The following NFKBIL1 variants were observed in gnomAD, a reference collection of about 807,000 sequenced individuals.
NFKBIL1 encodes NFKB inhibitor like 1, also known as NF-kappa-B inhibitor-like protein 1.
In NFKBIL1, 30 loss-of-function variants were observed where a neutral mutation model predicts 45.4. The ratio of observed to expected loss-of-function variants is 0.66; its 90% CI spans 0.49 to 0.90. The LOEUF (loss-of-function observed/expected upper bound fraction) is 0.90, where lower values mean the gene tolerates loss of function less well. Among genes scored for constraint, NFKBIL1 ranks in the 40% least tolerant of loss-of-function variants. The probability of loss-of-function intolerance (pLI) is 0.00; values close to 1 mark genes in which losing one functional copy is unlikely to be tolerated. For synonymous variants in NFKBIL1, 179 were observed against 197.3 expected, an observed-to-expected ratio of 0.91 and a Z score of 0.78; for missense variants, 434 against 513.4, an observed-to-expected ratio of 0.85 and a Z score of 1.49.
rs945781739 is a variant in NFKBIL1 at position 31,558,726 on chromosome 6, A to G, written c.*115A>G. The G allele has an allele frequency of 2.9e-6, 2 of 683,700 alleles. No individual in the cohort carries two copies. The highest frequency in any genetic ancestry group is 4.5e-6 in the Non-Finnish European group (2 of 445,426). The allele number at this position is 683,700 out of a possible 1,614,324, so 42.4% of individuals were successfully genotyped here. ...AGCCAGGTGCTGCTCAGCAGAGGATATGGGTGGGAGCGAAAGTTGTAACAA... is the reference window on the plus strand; with the variant it reads ...AGCCAGGTGCTGCTCAGCAGAGGATGTGGGTGGGAGCGAAAGTTGTAACAA... On this transcript the variant is annotated 3_prime_UTR_variant, in exon 4 of 4. Coordinates refer to ENST00000376148, the MANE Select transcript of NFKBIL1 (RefSeq NM_005007.4). The surrounding 1 kb of genome is among the most constrained non-coding windows in gnomAD (Gnocchi z 7.2).
chr6:31,552,797 C>T (rs1288715219), intron 2 of NFKBIL1, among the ~76,000 whole-genome samples: 1 of 144,484 alleles, frequency 6.9e-6, no homozygotes, highest in Non-Finnish European at 1.5e-5. Context: ...CTCCGCTTCC[C>T]AGGTTCAAGC....
upstream of NFKBIL1, among the ~76,000 whole-genome samples, chr6:31,547,214 CTGT>C (rs1236122124): frequency 6.6e-6 from 1 of 151,504 alleles, no homozygotes; most frequent in Non-Finnish European, 1.5e-5. Context: ...TGATCTGTCC[CTGT>C]TGTTGTCCCA....
chr6:31,558,056 C>T lies in NFKBIL1; in HGVS notation c.591C>T (p.Ser197=). 2 of 1,611,618 alleles carry T rather than the reference C, an allele frequency of 1.2e-6. No individual in the cohort carries two copies. Among genetic ancestry groups the T allele is most frequent in the Admixed American group, 1.7e-5 (1 of 59,940 alleles). Residue 197 remains serine (S), a synonymous_variant, in exon 4 of 4, where the codon TCC becomes TCT. Coordinates refer to ENST00000376148, the MANE Select transcript of NFKBIL1 (RefSeq NM_005007.4). The surrounding 1 kb of genome is among the most constrained non-coding windows in gnomAD (Gnocchi z 7.2). The stretch of plus-strand genomic sequence containing the variant: ...CCCATGAAACCCAGGAACCTGAGTC[C>T]TTCTCAGCCTGGTCAGATCGCCTGG... ...DASHETQEPE[S]FSAWSDRLAR...
At chr6:31,548,048 G>A (rs1769186118) in intron 1 of NFKBIL1, 115 bp from the exon 2 acceptor site, 2 of 1,392,552 alleles carry the variant, frequency 1.4e-6, no homozygotes, top group Non-Finnish European at 2.0e-6. Context: ...ATCTCTTGCT[G>A]AAGATATTAA....
In NFKBIL1 at chr6:31,558,354, T is replaced by C; in HGVS notation, c.889T>C (p.Phe297Leu). 6.4e-7 allele frequency: 1 copy of C among 1,551,076 alleles called. No homozygotes were observed. Among genetic ancestry groups the C allele is most frequent in the Non-Finnish European group, 8.7e-7 (1 of 1,145,252 alleles). Residue 297 changes from phenylalanine to leucine, a missense_variant, in exon 4 of 4, where the codon TTT (phenylalanine) becomes CTT (leucine). Coordinates refer to ENST00000376148, the MANE Select transcript of NFKBIL1 (RefSeq NM_005007.4). This position sits in a 1 kb window ranked among gnomAD's most constrained non-coding sequence, Gnocchi z 7.2. ...RGAGRGSLWR[F>L]GDVPWPCPGG... ...AGCGGGGAGGGGCAGCCTCTGGCGA[T>C]TTGGTGATGTGCCCTGGCCCTGCCC...
chr6:31,549,003 A>T (rs1468354792), intron 2 of NFKBIL1, among the ~76,000 whole-genome samples: 1 of 152,224 alleles, frequency 6.6e-6, no homozygotes, highest in African/African-American at 2.4e-5. Context: ...CCAGAGTTAC[A>T]GTTATTCACT....
At chr6:31,551,768 T>A (rs977887476) in intron 2 of NFKBIL1, among the ~76,000 whole-genome samples, 2 of 151,774 alleles carry the variant, frequency 1.3e-5, no homozygotes, top group Non-Finnish European at 2.9e-5. Context: ...CTAATTTTTT[T>A]ATTTTTATTT....
At chr6:31,555,609 CTTTTTTTTTTTTTTTT>C (rs772749122) in intron 2 of NFKBIL1, among the ~76,000 whole-genome samples, 2 of 72,282 alleles carry the variant, frequency 2.8e-5, no homozygotes, top group Middle Eastern at 0.014. Flanking sequence ...CTCTCTCTCT[CTTTTTTTTTTTTTTTT>C]TTTTTTTTGA....
Position 31,557,660 on chromosome 6 carries a change from C to T in NFKBIL1, c.367C>T (p.Arg123Cys), listed in dbSNP as rs544896018. 5 of 1,565,632 alleles carry T rather than the reference C, an allele frequency of 3.2e-6. No individual in the cohort carries two copies. The highest frequency in any genetic ancestry group is 2.3e-5 in the East Asian group (1 of 43,648). The change falls in exon 3 of 4, where the codon CGC becomes TGC. Residue 123 changes from arginine to cysteine, a missense_variant. Transcript: ENST00000376148. This position sits in a 1 kb window ranked among gnomAD's most constrained non-coding sequence, Gnocchi z 5.4. Reference protein sequence around the residue: ...YTDFFLPLLSRCPSAMGIKNK... With the variant: ...YTDFFLPLLSCCPSAMGIKNK... ...CGATTTCTTCCTCCCGCTGCTAAGC[C>T]GCTGTCCCTCCGCCATGGGAATAAA...
chr6:31,558,826 C>A lies in NFKBIL1; in HGVS notation c.*215C>A. The A allele has an allele frequency of 1.9e-6, 1 of 533,040 alleles. No homozygotes were observed. The highest frequency in any genetic ancestry group is 2.8e-5 in the South Asian group (1 of 36,054). 33.0% of individuals were successfully genotyped at this position (533,040 alleles called of 1,614,324 possible). The stretch of plus-strand genomic sequence containing the variant: ...TTCCTAATAAGACCTGGTTCCACAT[C>A]TCACTCCCAGTGTCTCCTCTGTCTT... On this transcript the variant is annotated 3_prime_UTR_variant, in exon 4 of 4. Coordinates refer to ENST00000376148, the MANE Select transcript of NFKBIL1 (RefSeq NM_005007.4). The surrounding 1 kb of genome is among the most constrained non-coding windows in gnomAD (Gnocchi z 7.2).
At chr6:31,555,553 C>T (rs1769679156) in intron 2 of NFKBIL1, among the ~76,000 whole-genome samples, 1 of 147,692 alleles carries the variant, frequency 6.8e-6, no homozygotes, top group Non-Finnish European at 1.5e-5. Flanking sequence ...TTTTTCCAAC[C>T]ATAGGATTTG....
chr6:31,558,360 G>T lies in NFKBIL1; in HGVS notation c.895G>T (p.Asp299Tyr). 9.0e-6 allele frequency: 14 copies of T among 1,550,880 alleles called. No individual in the cohort carries two copies. Among genetic ancestry groups the T allele is most frequent in the African/African-American group, 1.4e-5 (1 of 73,720 alleles). Residue 299 changes from aspartate (D) to tyrosine (Y), a missense_variant, in exon 4 of 4, where the codon GAT (aspartate) becomes TAT (tyrosine). By Grantham distance (160) the Asp-to-Tyr change is radical (BLOSUM62 -3). Coordinates refer to ENST00000376148, the MANE Select transcript of NFKBIL1 (RefSeq NM_005007.4). This position sits in a 1 kb window ranked among gnomAD's most constrained non-coding sequence, Gnocchi z 7.2. ...GAGGGGCAGCCTCTGGCGATTTGGT[G>T]ATGTGCCCTGGCCCTGCCCTGGGGG... The part of the protein sequence containing the change: ...AGRGSLWRFG[D>Y]VPWPCPGGGD...
In NFKBIL1 at chr6:31,558,482, C is replaced by T. The variant is rs1311985420; in HGVS notation, c.1017C>T (p.Val339=). ...ALRRYLRVQQ[V]RWHPDRFLQR... ...GGAGGTACTTGAGGGTCCAGCAGGT[C>T]CGCTGGCACCCTGACCGCTTCCTGC... The change falls in exon 4 of 4, where the codon GTC becomes GTT. Residue 339 remains valine (V), a synonymous_variant. Transcript: ENST00000376148. The surrounding 1 kb of genome is among the most constrained non-coding windows in gnomAD (Gnocchi z 7.2). 6.4e-7 allele frequency: 1 copy of T among 1,552,208 alleles called. No homozygotes were observed. Among genetic ancestry groups the T allele is most frequent in the South Asian group, 1.2e-5 (1 of 84,166 alleles).
chr6:31,553,116 G>C (rs989174613), intron 2 of NFKBIL1, among the ~76,000 whole-genome samples: 1 of 145,244 alleles, frequency 6.9e-6, no homozygotes, highest in Non-Finnish European at 1.5e-5. Flanking sequence ...ATCTCAGCTT[G>C]CTACAACCTC....
At chr6:31,548,468 A>G in intron 2 of NFKBIL1, 29 bp downstream of exon 2, 1 of 1,478,382 alleles carries the variant, frequency 6.8e-7, no homozygotes, top group East Asian at 2.4e-5. Context: ...GAACAAGGTC[A>G]TAAGCAGCTG....
intron 2 of NFKBIL1, among the ~76,000 whole-genome samples, chr6:31,549,201 G>A (rs1399007840): frequency 1.3e-5 from 2 of 152,100 alleles, no homozygotes; most frequent in Admixed American, 6.6e-5. Context: ...TGGCACACAC[G>A]ATAAGCACTT....
Position 31,557,602 on chromosome 6 carries a change from T to G in NFKBIL1, c.335-26T>G. On this transcript the variant is annotated intron_variant, in intron 2 of 3. Transcript: ENST00000376148. The surrounding 1 kb of genome is among the most constrained non-coding windows in gnomAD (Gnocchi z 5.4). ...CGAGGAGTGGGAGTCCCAGCTAACT[T>G]CTGCTCCCTGCTCTCCCACCAACAG... 1 of 1,479,880 alleles carries G rather than the reference T, an allele frequency of 6.8e-7. No individual in the cohort carries two copies. The allele number at this position is 1,479,880 out of a possible 1,614,324, so 91.7% of individuals were successfully genotyped here. A position where few individuals can be genotyped will look rare whatever the true frequency, so the allele number is the denominator to read the frequency against.
At chr6:31,552,509 G>A (rs1187953740) in intron 2 of NFKBIL1, among the ~76,000 whole-genome samples, 4 of 151,002 alleles carry the variant, frequency 2.6e-5, no homozygotes, top group African/African-American at 4.9e-5. Flanking sequence ...GGATGGTCTC[G>A]ATCTCTTGAC....
Position 31,547,673 on chromosome 6 carries a change from T to TGGGG in NFKBIL1, c.-18_-15dup. 1.3e-6 allele frequency: 2 copies of TGGGG among 1,582,714 alleles called. No homozygotes were observed. The highest frequency in any genetic ancestry group is 1.7e-6 in the Non-Finnish European group (2 of 1,156,270). ...TTGGGCCTACGGCTCTGGGGGTACTTGGGGGGGCGGGGGCAGGTCTGATGA... is the reference window on the plus strand; with the variant it reads ...TTGGGCCTACGGCTCTGGGGGTACTTGGGGGGGGGGGCGGGGGCAGGTCTGATGA... On this transcript the variant is annotated 5_prime_UTR_variant, in exon 1 of 4. Transcript: ENST00000376148.
Sources: gnomAD v4.1 joint callset for allele counts (sites outside exome capture counted in the v4.1 genomes callset) on GRCh38, gnomAD v4.1.1 for gene constraint, Gnocchi (gnomAD v3.1) non-coding constraint, MANE v1.5 for transcripts, NCBI Gene and HGNC (gene_info 2026-07-23, HGNC 2026-07-21) for gene names.